LAMC1: variants seen among roughly 807,000 people sequenced by gnomAD.
LAMC1 encodes laminin subunit gamma-1.
In LAMC1, 38 loss-of-function variants were observed where a neutral mutation model predicts 173.6. That is an observed-to-expected ratio of 0.22 (90% CI 0.17 to 0.29). LAMC1 has a LOEUF of 0.29. Ranked by LOEUF, LAMC1 falls within the 10% of genes least tolerant of loss-of-function variation. The probability of loss-of-function intolerance (pLI) is 1.00; values close to 1 mark genes in which losing one functional copy is unlikely to be tolerated. For synonymous variants in LAMC1, 746 were observed against 749.1 expected (o/e 1.00, Z 0.07); for missense variants, 1,824 against 2,051.8 (o/e 0.89, Z 2.14).
chr1:183,053,814 C>T (rs1190190663), intron 1 of LAMC1, among the ~76,000 whole-genome samples: 2 of 151,966 alleles, frequency 1.3e-5, no homozygotes, highest in South Asian at 2.1e-4. Flanking sequence ...TTAGTAGAGA[C>T]GGGGTTTTAC....
chr1:183,096,152 C>G (rs1655687312), intron 1 of LAMC1, among the ~76,000 whole-genome samples: 1 of 152,148 alleles, frequency 6.6e-6, no homozygotes, highest in Non-Finnish European at 1.5e-5. Flanking sequence ...GTGCTGTGAT[C>G]TTATTTAACC....
Position 183,140,468 on chromosome 1 carries a change from T to G in LAMC1, c.4538T>G (p.Leu1513Arg). The G allele has an allele frequency of 5.6e-6, 9 of 1,613,620 alleles. No homozygotes were observed. The highest frequency in any genetic ancestry group is 7.6e-6 in the Non-Finnish European group (9 of 1,179,738). The change falls in exon 27 of 28, where the codon CTC (leucine) becomes CGC (arginine). Residue 1513 changes from leucine to arginine, a missense_variant. Transcript: ENST00000258341. Reference sequence around the variant, plus strand: ...AAAGCCAAAAACTCTGTTACTAGCCTCCTCAGCATTATTAATGACCTCTTG... The same window carrying G: ...AAAGCCAAAAACTCTGTTACTAGCCGCCTCAGCATTATTAATGACCTCTTG... ...ARKAKNSVTS[L>R]LSIINDLLEQ...
At chr1:183,060,052 C>T (rs1432090921) in intron 1 of LAMC1, among the ~76,000 whole-genome samples, 1 of 152,038 alleles carries the variant, frequency 6.6e-6, no homozygotes, top group Non-Finnish European at 1.5e-5. Context: ...GTAGGGAGGG[C>T]TCTGTTGATT....
chr1:183,040,623 C>T (rs1416106195), intron 1 of LAMC1, among the ~76,000 whole-genome samples: 2 of 152,178 alleles, frequency 1.3e-5, no homozygotes, highest in African/African-American at 4.8e-5. Context: ...CTGCCTGTGG[C>T]TTGACTGGGT....
chr1:183,051,462 C>T lies in LAMC1; in HGVS notation c.418+27328C>T, dbSNP rs571993559. ...TACCACTGTGTGACTTCAGTCAATA[C>T]CGTGTGGAGTACACGAATCATCCAG... is the stretch of plus-strand genomic sequence containing the variant. On this transcript the variant is annotated intron_variant, in intron 1 of 27. Coordinates refer to ENST00000258341, the MANE Select transcript of LAMC1 (RefSeq NM_002293.4). 1.7e-3 allele frequency among the ~76,000 whole-genome samples: 257 copies of T among 152,336 alleles called. 3 individuals carry two copies. The highest frequency in any genetic ancestry group is 5.1e-3 in the African/African-American group (212 of 41,580).
chr1:183,054,813 C>T (rs1010755445), intron 1 of LAMC1, among the ~76,000 whole-genome samples: 1 of 152,150 alleles, frequency 6.6e-6, no homozygotes, highest in Non-Finnish European at 1.5e-5. Flanking sequence ...TCTAGGACCA[C>T]AGCCACCTTA....
At chr1:183,056,540 C>G (rs931940134) in intron 1 of LAMC1, among the ~76,000 whole-genome samples, 1 of 152,166 alleles carries the variant, frequency 6.6e-6, no homozygotes, top group Non-Finnish European at 1.5e-5. Context: ...CCCCCATCCC[C>G]CCGTTCACCA....
rs531343950 is a variant in LAMC1 at position 183,078,935 on chromosome 1, T to C, written c.419-24393T>C. On this transcript the variant is annotated intron_variant, in intron 1 of 27. Coordinates refer to ENST00000258341, the MANE Select transcript of LAMC1 (RefSeq NM_002293.4). ...GCTTGAACCCAGGAGGCAGAGTTTG[T>C]GGTGAGCCAAGATTGCACCTTTGCA... 3.3e-5 allele frequency among the ~76,000 whole-genome samples: 5 copies of C among 152,142 alleles called. No homozygotes were observed. The East Asian group carries it at 9.7e-4, about 30-fold the overall frequency.
intron 1 of LAMC1, among the ~76,000 whole-genome samples, chr1:183,029,194 C>G (rs1388600561): frequency 2.0e-5 from 3 of 152,202 alleles, no homozygotes. Flanking sequence ...CCAATCGTTA[C>G]TATAATCTGT....
intron 23 of LAMC1, 92 bp from the exon 24 acceptor site, chr1:183,134,950 T>G: frequency 7.4e-7 from 1 of 1,347,916 alleles, no homozygotes; most frequent in South Asian, 1.2e-5. Context: ...CTGGCAAGTC[T>G]CAGGGTGGCA....
At chr1:183,039,046 C>T (rs937553554) in intron 1 of LAMC1, among the ~76,000 whole-genome samples, 12 of 152,124 alleles carry the variant, frequency 7.9e-5, no homozygotes, top group African/African-American at 2.7e-4. Flanking sequence ...CCTGTAGACT[C>T]GTGCATCTGT....
rs529060305 is a variant in LAMC1 at position 183,131,797 on chromosome 1, CAAAT to C, written c.3566+422_3566+425del. On this transcript the variant is annotated intron_variant, in intron 20 of 27. Transcript: ENST00000258341. ...CACAATTTTATATGTACATTACTCT[CAAAT>C]AATTAAATTTAAAAGTAGTTTTTCT... Among the ~76,000 whole-genome samples the C allele has an allele frequency of 7.9e-5, 12 of 152,236 alleles. No homozygotes were observed. In the East Asian group the frequency reaches 1.9e-3, roughly 24 times the overall value.
In LAMC1 at chr1:183,023,872, C is replaced by G. The variant is rs1359014409; in HGVS notation, c.156C>G (p.Pro52=). 1.9e-6 allele frequency: 3 copies of G among 1,611,990 alleles called. No homozygotes were observed. Among genetic ancestry groups the G allele is most frequent in the Non-Finnish European group, 1.7e-6 (2 of 1,179,372 alleles). Residue 52 remains proline (P), a synonymous_variant, in exon 1 of 28, where the codon CCC becomes CCG. Transcript: ENST00000258341. ...DEGGRPQRCM[P]EFVNAAFNVT... is the part of the protein sequence containing the mutation. ...GCGGGCGGCCGCAGCGCTGCATGCC[C>G]GAGTTCGTCAACGCCGCCTTCAACG...
At chr1:183,032,157 C>T (rs1001699966) in intron 1 of LAMC1, among the ~76,000 whole-genome samples, 2 of 152,182 alleles carry the variant, frequency 1.3e-5, no homozygotes, top group Non-Finnish European at 2.9e-5. Context: ...GTGTGCTCTT[C>T]TAGGGGCCAG....
At chr1:183,048,393 C>T (rs1374922283) in intron 1 of LAMC1, among the ~76,000 whole-genome samples, 1 of 152,180 alleles carries the variant, frequency 6.6e-6, no homozygotes, top group Non-Finnish European at 1.5e-5. Flanking sequence ...GCTGGTGCTA[C>T]GTTTCCCAAC....
Position 183,126,177 on chromosome 1 carries a change from G to A in LAMC1, c.2859G>A (p.Gln953=), listed in dbSNP as rs1210743766. Residue 953 remains glutamine, a synonymous_variant, in exon 16 of 28, where the codon CAG becomes CAA. Coordinates refer to ENST00000258341, the MANE Select transcript of LAMC1 (RefSeq NM_002293.4). The part of the protein sequence containing the change: ...TNGQCDIRTG[Q]CECQPGITGQ... ...GGCAGTGTGACATCCGCACCGGCCA[G>A]TGTGAGTGCCAGCCCGGCATCACTG... 4.3e-6 allele frequency: 7 copies of A among 1,614,222 alleles called. No homozygotes were observed. Among genetic ancestry groups the A allele is most frequent in the Non-Finnish European group, 5.9e-6 (7 of 1,180,036 alleles).
intron 1 of LAMC1, among the ~76,000 whole-genome samples, chr1:183,026,083 A>T (rs1292227270): frequency 1.3e-5 from 2 of 152,246 alleles, no homozygotes; most frequent in African/African-American, 4.8e-5. Flanking sequence ...TACCTCTAAC[A>T]TCACTTTTTA....
In LAMC1 at chr1:183,023,441, A is replaced by T. The variant is rs1442335426; in HGVS notation, c.-276A>T. ...GCGCGCACTCGGGCACGCGCTCGGAAGTCGGGGGTCGGCGCGGAGTGCAGG... is the reference window on the plus strand; with the variant it reads ...GCGCGCACTCGGGCACGCGCTCGGATGTCGGGGGTCGGCGCGGAGTGCAGG... On this transcript the variant is annotated 5_prime_UTR_variant, in exon 1 of 28. It adds an upstream start codon to the 5' untranslated region. Coordinates refer to ENST00000258341, the MANE Select transcript of LAMC1 (RefSeq NM_002293.4). 1 of 169,084 alleles carries T rather than the reference A, an allele frequency of 5.9e-6. No individual in the cohort carries two copies. The highest frequency in any genetic ancestry group is 1.2e-5 in the Non-Finnish European group (1 of 80,380). The allele number at this position is 169,084 out of a possible 1,614,324, so 10.5% of individuals were successfully genotyped here.
Position 183,125,434 on chromosome 1 carries a change from G to A in LAMC1, c.2685G>A (p.Gln895=), listed in dbSNP as rs1359612672. The change falls in exon 15 of 28, where the codon CAG becomes CAA. Residue 895 remains glutamine (Q), a synonymous_variant. Coordinates refer to ENST00000258341, the MANE Select transcript of LAMC1 (RefSeq NM_002293.4). ...ATCTGTATGGGACCATGAAGCAGCA[G>A]AGCAGCTGTAACCCCGTGACGGGGC... The part of the protein sequence containing the change: ...NCNLYGTMKQ[Q]SSCNPVTGQC... 1 of 1,614,148 alleles carries A rather than the reference G, an allele frequency of 6.2e-7. No individual in the cohort carries two copies. Among genetic ancestry groups the A allele is most frequent in the Non-Finnish European group, 8.5e-7 (1 of 1,179,986 alleles).
Sources: gnomAD v4.1 joint callset for allele counts (sites outside exome capture counted in the v4.1 genomes callset) on GRCh38, gnomAD v4.1.1 for gene constraint, MANE v1.5 for transcripts, NCBI Gene and HGNC (gene_info 2026-07-23, HGNC 2026-07-21) for gene names.